The following PSMA7 variants were observed in gnomAD, a reference collection of about 807,000 sequenced individuals.
PSMA7 encodes the protein proteasome subunit alpha type-7.
In PSMA7, 5 loss-of-function variants were observed where a neutral mutation model predicts 31.3. That is an observed-to-expected ratio of 0.16 (90% CI 0.08 to 0.34). The LOEUF (loss-of-function observed/expected upper bound fraction) is 0.34. Among genes scored for constraint, PSMA7 ranks in the 10% least tolerant of loss-of-function variants. The pLI is 1.00. For synonymous variants in PSMA7, 155 were observed against 121.9 expected, an observed-to-expected ratio of 1.27 and a Z score of -1.79; for missense variants, 217 against 327.5, an observed-to-expected ratio of 0.66 and a Z score of 2.60.
At chr20:62,142,874 G>A (rs1413281349) in intron 1 of PSMA7, among the ~76,000 whole-genome samples, 2 of 151,204 alleles carry the variant, frequency 1.3e-5, no homozygotes, top group East Asian at 1.9e-4. Context: ...TCGCCGGGGC[G>A]GCGGCGCGAC....
intron 1 of PSMA7, chr20:62,142,449 A>C (rs1480843388): frequency 6.6e-6 from 1 of 152,100 alleles, no homozygotes; most frequent in African/African-American, 2.4e-5. Flanking sequence ...CCAGATGATA[A>C]AAGAATAACG....
intron 1 of PSMA7, among the ~76,000 whole-genome samples, chr20:62,142,938 G>A (rs2056946157): frequency 6.7e-6 from 1 of 150,362 alleles, no homozygotes; most frequent in Admixed American, 6.6e-5. Flanking sequence ...CACGGCCCCC[G>A]TGCCCGGGGC....
intron 3 of PSMA7, 86 bp downstream of exon 3, chr20:62,139,695 C>G (rs1228838327): frequency 1.9e-6 from 3 of 1,601,882 alleles, no homozygotes; most frequent in Non-Finnish European, 2.6e-6. Context: ...TTCTGATTCA[C>G]CTGAAGTGAC....
At chr20:62,139,571 G>A (rs556593360) in intron 3 of PSMA7, 4 of 817,814 alleles carry the variant, frequency 4.9e-6, no homozygotes, top group South Asian at 1.7e-5. Context: ...ACAGGAATTT[G>A]GAATATCCCA....
Position 62,136,756 on chromosome 20 carries a change from AG to A in PSMA7, c.*100del. The A allele has an allele frequency of 6.9e-7, 1 of 1,454,268 alleles. No homozygotes were observed. The highest frequency in any genetic ancestry group is 9.1e-7 in the Non-Finnish European group (1 of 1,095,264). The allele number at this position is 1,454,268 out of a possible 1,614,324, so 90.1% of individuals were successfully genotyped here. ...GGTTAAAAATACGGAAGTTTATTGT[AG>A]GACACTCAGTGTGAATAAATGGAAT... On this transcript the variant is annotated 3_prime_UTR_variant, in exon 7 of 7. Transcript: ENST00000370873.
In PSMA7 at chr20:62,136,924, T is replaced by G; in HGVS notation, c.680A>C (p.Lys227Thr). 1 of 1,601,360 alleles carries G rather than the reference T, an allele frequency of 6.2e-7. No individual in the cohort carries two copies. The change falls in exon 7 of 7, where the codon AAG becomes ACG. Residue 227 changes from lysine to threonine, a missense_variant. Physicochemically the swap from Lys to Thr is moderately conservative, Grantham distance 78 (BLOSUM62 -1). Transcript: ENST00000370873. ...TTCTTTTTCAATTTCAGCAACATAC[T>G]TCTCAATTTCTTCAGGATTTAAAAT... ...LKILNPEEIE[K>T]YVAEIEKEKE...
rs1568726982 is a variant in PSMA7, at chr20:62,141,234, A to AGACAGC, written c.97-296_97-291dup. Among the ~76,000 whole-genome samples, 6 of 152,308 alleles carry AGACAGC rather than the reference A, an allele frequency of 3.9e-5. No individual in the cohort carries two copies. The South Asian group carries it at 1.0e-3, about 26-fold the overall frequency. On this transcript the variant is annotated intron_variant, in intron 1 of 6. Transcript: ENST00000370873. ...GTGAGCCATGACGGCTGGGAGACAG[A>AGACAGC]GACAGCAAGACCCTGTCCCCTCACC...
intron 1 of PSMA7, 41 bp downstream of exon 1, chr20:62,143,167 C>CCGCCCGCG: frequency 7.7e-7 from 1 of 1,305,906 alleles, no homozygotes; most frequent in Non-Finnish European, 9.9e-7. Flanking sequence ...AGCCCCACTT[C>CCGCCCGCG]CGCCCGCGTC....
Position 62,137,516 on chromosome 20 carries a change from C to G in PSMA7, c.592-90G>C, listed in dbSNP as rs2056902786. 10 of 1,224,088 alleles carry G rather than the reference C, an allele frequency of 8.2e-6. No homozygotes were observed. In the South Asian group the frequency reaches 9.7e-5, roughly 12 times the overall value. 75.8% of individuals were successfully genotyped at this position (1,224,088 alleles called of 1,614,324 possible). Reference sequence around the variant, plus strand: ...GGAGTACCTTAAATAGGTGTGTACCCAAACCCAGCACCGTCCCAGGAACAG... The same window carrying G: ...GGAGTACCTTAAATAGGTGTGTACCGAAACCCAGCACCGTCCCAGGAACAG... On this transcript the variant is annotated intron_variant, in intron 5 of 6. Transcript: ENST00000370873.
intron 2 of PSMA7, 37 bp downstream of exon 2, chr20:62,140,779 ACT>A: frequency 6.2e-7 from 1 of 1,609,884 alleles, no homozygotes; most frequent in Non-Finnish European, 8.5e-7. Flanking sequence ...CTTCGCTGAG[ACT>A]CTAGAGAGTA....
intron 2 of PSMA7, among the ~76,000 whole-genome samples, chr20:62,140,543 G>C (rs920574873): frequency 6.6e-6 from 1 of 152,234 alleles, no homozygotes; most frequent in African/African-American, 2.4e-5. Flanking sequence ...TCTCTAGATT[G>C]TAACTGATTG....
intron 3 of PSMA7, 60 bp downstream of exon 3, chr20:62,139,717 CTCCA>C (rs2056915584): frequency 2.5e-6 from 4 of 1,612,646 alleles, no homozygotes; most frequent in Non-Finnish European, 3.4e-6. Context: ...TGGCAGGACC[CTCCA>C]TGGCGGAGCC....
rs750556012 is a variant in PSMA7, at chr20:62,136,953, T to C, written c.655-4A>G. The stretch of plus-strand genomic sequence containing the variant: ...CAATTTCTTCAGGATTTAAAATCTA[T>C]AGAAAAAAACTTCATGGTTACCTAA... On this transcript the variant is annotated splice_polypyrimidine_tract_variant and splice_region_variant and intron_variant, in intron 6 of 6. Coordinates refer to ENST00000370873, the MANE Select transcript of PSMA7 (RefSeq NM_002792.4). 1.3e-6 allele frequency: 2 copies of C among 1,596,582 alleles called. No homozygotes were observed. Among genetic ancestry groups the C allele is most frequent in the East Asian group, 2.2e-5 (1 of 44,728 alleles).
intron 3 of PSMA7, chr20:62,139,482 G>T: frequency 6.2e-6 from 4 of 640,690 alleles, no homozygotes; most frequent in South Asian, 3.9e-5. Flanking sequence ...TCCTCATAGG[G>T]TGGCTTCCAG....
rs754410095 is a variant in PSMA7, at chr20:62,143,180, C to CGGCCCCGCGCA, written c.96+17_96+27dup. 1.8e-3 allele frequency: 2,409 copies of CGGCCCCGCGCA among 1,341,046 alleles called. 3 individuals are homozygous for CGGCCCCGCGCA. The highest frequency in any genetic ancestry group is 2.2e-3 in the Non-Finnish European group (2,230 of 1,031,866). 83.1% of individuals were successfully genotyped at this position (1,341,046 alleles called of 1,614,324 possible). A position where few individuals can be genotyped will look rare whatever the true frequency, so the allele number is the denominator to read the frequency against. On this transcript the variant is annotated intron_variant, in intron 1 of 6. Transcript: ENST00000370873. ...CCAGCCCCACTTCCGCCCGCGTCCC[C>CGGCCCCGCGCA]GGCCCCGCGCAGGCCCCGCCGCCTC... is the stretch of plus-strand genomic sequence containing the variant.
chr20:62,143,122 C>A (rs1262141564), intron 1 of PSMA7, 86 bp downstream of exon 1: 11 of 875,938 alleles, frequency 1.3e-5, no homozygotes, highest in Non-Finnish European at 1.4e-5. Context: ...GCGCCCACAG[C>A]GCCGCGCCCG....
At chr20:62,137,972 A>C (rs2056904996) in intron 5 of PSMA7, among the ~76,000 whole-genome samples, 199 bp downstream of exon 5, 1 of 151,636 alleles carries the variant, frequency 6.6e-6, no homozygotes, top group Non-Finnish European at 1.5e-5. Context: ...TAAAGACACT[A>C]ATGATCACAT....
chr20:62,137,290 G>A lies in PSMA7; in HGVS notation c.654+74C>T, dbSNP rs143403991. 5.3e-5 allele frequency: 77 copies of A among 1,460,578 alleles called. No homozygotes were observed. In the African/African-American group the frequency reaches 5.9e-4, roughly 11 times the overall value. 90.5% of individuals were successfully genotyped at this position (1,460,578 alleles called of 1,614,324 possible). On this transcript the variant is annotated intron_variant, in intron 6 of 6. Coordinates refer to ENST00000370873, the MANE Select transcript of PSMA7 (RefSeq NM_002792.4). ...AGAATGGCCCTATGATGTTTCCTTCGGAACTGGTACTGCTCAGCCCTGATC... is the reference window on the plus strand; with the variant it reads ...AGAATGGCCCTATGATGTTTCCTTCAGAACTGGTACTGCTCAGCCCTGATC...
rs943013980 is a variant in PSMA7 at position 62,143,387 on chromosome 20, G to A, written c.-84C>T. ...CCCGCGCGCACCCGCGACTCCCGGC[G>A]CCACTACGCCCGCGCCCCACCCTCG... On this transcript the variant is annotated 5_prime_UTR_variant, in exon 1 of 7. Coordinates refer to ENST00000370873, the MANE Select transcript of PSMA7 (RefSeq NM_002792.4). 30 of 743,030 alleles carry A rather than the reference G, an allele frequency of 4.0e-5. No homozygotes were observed. In the African/African-American group the frequency reaches 5.0e-4, roughly 12 times the overall value. 46.0% of individuals were successfully genotyped at this position (743,030 alleles called of 1,614,324 possible).
Sources: allele counts gnomAD v4.1 joint callset (sites outside exome capture counted in the v4.1 genomes callset), GRCh38; gene constraint gnomAD v4.1.1; transcripts MANE v1.5; gene names NCBI Gene and HGNC (gene_info 2026-07-23, HGNC 2026-07-21).